C10orf90: variants seen among roughly 807,000 people sequenced by gnomAD.
C10orf90 encodes the protein chromosome 10 open reading frame 90, also known as (E2-independent) E3 ubiquitin-conjugating enzyme FATS.
Under a neutral mutation model 62.5 loss-of-function variants are expected in C10orf90, and 56 were observed. The ratio of observed to expected loss-of-function variants is 0.90; its 90% CI spans 0.72 to 1.12. The LOEUF is 1.12. Ranked by LOEUF, C10orf90 falls within the 50% of genes most tolerant of loss-of-function variation. The probability of loss-of-function intolerance (pLI) is 0.00; values close to 1 mark genes in which losing one functional copy is unlikely to be tolerated. For synonymous variants in C10orf90, 386 were observed against 340.4 expected, an observed-to-expected ratio of 1.13 and a Z score of -1.47; for missense variants, 970 against 880.4, an observed-to-expected ratio of 1.10 and a Z score of -1.29.
At chr10:126,472,849 C>A (rs1860653591) in intron 4 of C10orf90, among the ~76,000 whole-genome samples, 1 of 151,944 alleles carries the variant, frequency 6.6e-6, no homozygotes, top group African/African-American at 2.4e-5. Flanking sequence ...TGCGTGTGTG[C>A]ATGTGCATGA....
intron 3 of C10orf90, among the ~76,000 whole-genome samples, chr10:126,513,062 C>T (rs769313683): frequency 3.3e-5 from 5 of 152,124 alleles, no homozygotes; most frequent in African/African-American, 7.2e-5. Flanking sequence ...CAAAATTTGG[C>T]GGCAGAATCT....
intron 2 of C10orf90, among the ~76,000 whole-genome samples, chr10:126,604,791 C>A (rs1845272233): frequency 6.6e-6 from 1 of 152,216 alleles, no homozygotes; most frequent in African/African-American, 2.4e-5. Flanking sequence ...TACATGGATC[C>A]ATTTTAATAA....
chr10:126,660,462 GT>G (rs1257881843), intron 1 of C10orf90, among the ~76,000 whole-genome samples: 1 of 152,234 alleles, frequency 6.6e-6, no homozygotes, highest in East Asian at 1.9e-4. Context: ...ACCTGAAGCA[GT>G]CCTCTAAAAG....
chr10:126,429,124 T>C (rs1360916246), intron 8 of C10orf90, among the ~76,000 whole-genome samples: 1 of 152,300 alleles, frequency 6.6e-6, no homozygotes, highest in East Asian at 1.9e-4. Flanking sequence ...TTGCATGAAC[T>C]TGGCCAATGC....
intron 2 of C10orf90, among the ~76,000 whole-genome samples, chr10:126,630,643 C>G (rs141561796): frequency 2.7e-3 from 411 of 152,204 alleles, no homozygotes; most frequent in South Asian, 4.8e-3. Flanking sequence ...CCCACAAGCA[C>G]CATGGTGACA....
intron 4 of C10orf90, among the ~76,000 whole-genome samples, chr10:126,471,092 G>C (rs1356659550): frequency 1.3e-5 from 2 of 152,174 alleles, no homozygotes; most frequent in African/African-American, 2.4e-5. Flanking sequence ...ATAGCAAATG[G>C]GATAAACAGC....
At chr10:126,612,058 C>T (rs1453347730) in intron 2 of C10orf90, among the ~76,000 whole-genome samples, 2 of 152,228 alleles carry the variant, frequency 1.3e-5, no homozygotes, top group Non-Finnish European at 2.9e-5. Flanking sequence ...CTGTGGCTCA[C>T]GCCTATAATC....
chr10:126,456,293 G>A lies in C10orf90; in HGVS notation c.2188+2747C>T, dbSNP rs866481570. 1.3e-5 allele frequency among the ~76,000 whole-genome samples: 2 copies of A among 152,146 alleles called. No individual in the cohort carries two copies. The highest frequency in any genetic ancestry group is 3.9e-4 in the East Asian group (2 of 5,152). On this transcript the variant is annotated intron_variant, in intron 7 of 9. Transcript: ENST00000488181. This position sits in a 1 kb window ranked among gnomAD's most constrained non-coding sequence, Gnocchi z 4.9. ...CTGATTTCACTGACCTAACACAAAC[G>A]AACCCAAAAGTAAAGCTCTCATCGA...
intron 2 of C10orf90, 79 bp from the exon 3 acceptor site, chr10:126,514,018 T>A: frequency 1.0e-6 from 1 of 975,896 alleles, no homozygotes; most frequent in Non-Finnish European, 1.6e-6. Flanking sequence ...CTGTAAAATT[T>A]AATGTCACCT....
intron 2 of C10orf90, among the ~76,000 whole-genome samples, chr10:126,521,748 A>G (rs1240553073): frequency 2.6e-5 from 4 of 152,212 alleles, no homozygotes; most frequent in Non-Finnish European, 4.4e-5. Context: ...AAATTGAGCA[A>G]TATAACAGTT....
At chr10:126,465,476 A>G (rs999484722) in intron 4 of C10orf90, among the ~76,000 whole-genome samples, 1 of 151,876 alleles carries the variant, frequency 6.6e-6, no homozygotes, top group Non-Finnish European at 1.5e-5. Context: ...CTCAAATATG[A>G]AAATTGAGGT....
intron 1 of C10orf90, among the ~76,000 whole-genome samples, chr10:126,659,689 A>C (rs920895249): frequency 2.6e-5 from 4 of 152,226 alleles, no homozygotes; most frequent in African/African-American, 9.6e-5. Context: ...GATCATACAA[A>C]GTGACCTTCA....
intron 2 of C10orf90, among the ~76,000 whole-genome samples, chr10:126,609,067 C>T (rs1273421521): frequency 2.0e-5 from 3 of 152,178 alleles, no homozygotes; most frequent in Non-Finnish European, 4.4e-5. Context: ...TCCTTTCCTG[C>T]CTCAGTTTAT....
At position 126,521,173 on chromosome 10, in the gene C10orf90, G is replaced by A. The variant is rs987344039; in HGVS notation, c.314-7234C>T. On this transcript the variant is annotated intron_variant, in intron 2 of 9. Coordinates refer to ENST00000488181, the MANE Select transcript of C10orf90 (RefSeq NM_001350921.2). ...TGGCCCAGGTCTTTAGAGATACCTG[G>A]TTCATCTCCTTTCCCCTGGGGCCTC... 5 of 1,037,924 alleles carry A rather than the reference G, an allele frequency of 4.8e-6. No individual in the cohort carries two copies. In the African/African-American group the frequency reaches 6.5e-5, roughly 14 times the overall value. The allele number at this position is 1,037,924 out of a possible 1,614,324, so 64.3% of individuals were successfully genotyped here.
chr10:126,533,463 G>A (rs957910977), intron 2 of C10orf90, among the ~76,000 whole-genome samples: 2 of 152,196 alleles, frequency 1.3e-5, no homozygotes, highest in African/African-American at 4.8e-5. Context: ...GTCTTATCAT[G>A]TAAAAACCAG....
intron 2 of C10orf90, among the ~76,000 whole-genome samples, chr10:126,565,313 T>TATATATATTATATATTTATATTATATA (rs1844342455): frequency 1.7e-5 from 1 of 58,998 alleles, no homozygotes; most frequent in South Asian, 4.3e-4. Context: ...TATATTATAT[T>TATATATATTATATATTTATATTATATA]ATATATATTA....
At chr10:126,580,330 A>C (rs1844719800) in intron 2 of C10orf90, among the ~76,000 whole-genome samples, 1 of 152,176 alleles carries the variant, frequency 6.6e-6, no homozygotes, top group African/African-American at 2.4e-5. Context: ...GGCTAATTTG[A>C]GTTGGTTTCT....
Position 126,513,978 on chromosome 10 carries a change from T to C in C10orf90, c.314-39A>G, listed in dbSNP as rs769157942. The C allele has an allele frequency of 2.9e-6, 4 of 1,400,566 alleles. No homozygotes were observed. The East Asian group carries it at 9.1e-5, about 32-fold the overall frequency. 86.8% of individuals were successfully genotyped at this position (1,400,566 alleles called of 1,614,324 possible). A position where few individuals can be genotyped will look rare whatever the true frequency, so the allele number is the denominator to read the frequency against. On this transcript the variant is annotated intron_variant, in intron 2 of 9. Transcript: ENST00000488181. ...GATAATATTGCTACTTTTTAGTATATAAAAGGATAAAATGGAATATATAAC... is the reference window on the plus strand; with the variant it reads ...GATAATATTGCTACTTTTTAGTATACAAAAGGATAAAATGGAATATATAAC...
chr10:126,645,707 G>C (rs1003904689), intron 2 of C10orf90, among the ~76,000 whole-genome samples: 1 of 152,084 alleles, frequency 6.6e-6, no homozygotes, highest in African/African-American at 2.4e-5. Flanking sequence ...TGTCAGTTTT[G>C]GAAAGGAATT....
Sources: gnomAD v4.1 joint callset for allele counts (sites outside exome capture counted in the v4.1 genomes callset) on GRCh38, gnomAD v4.1.1 for gene constraint, Gnocchi (gnomAD v3.1) non-coding constraint, MANE v1.5 for transcripts, NCBI Gene and HGNC (gene_info 2026-07-23, HGNC 2026-07-21) for gene names.